Variants in SLC35F1 observed in about 807,000 individuals in gnomAD.
The protein encoded by SLC35F1 is chromosome 6 open reading frame 169.
SLC35F1 carries 14 observed loss-of-function variants against 48.7 expected under a neutral mutation model. The observed-to-expected ratio is 0.29, with a 90% CI of 0.19 to 0.45. The LOEUF is 0.45. Ranked by LOEUF, SLC35F1 falls within the 20% of genes least tolerant of loss-of-function variation. The pLI is 1.00. For synonymous variants in SLC35F1, 190 were observed against 202.2 expected, an observed-to-expected ratio of 0.94 and a Z score of 0.51; for missense variants, 404 against 500.0, an observed-to-expected ratio of 0.81 and a Z score of 1.83.
At chr6:118,053,731 C>A (rs13199867) in intron 1 of SLC35F1, among the ~76,000 whole-genome samples, 6 of 151,956 alleles carry the variant, frequency 3.9e-5, no homozygotes, top group South Asian at 2.1e-4. Flanking sequence ...AAACATTTCC[C>A]TCTTTTTAGG....
chr6:117,911,325 CA>C (rs1775759093), intron 1 of SLC35F1, among the ~76,000 whole-genome samples: 1 of 152,012 alleles, frequency 6.6e-6, no homozygotes, highest in African/African-American at 2.4e-5. Context: ...AATTGTGAAC[CA>C]ATCAATATAT....
chr6:117,909,374 A>G (rs1454403159), intron 1 of SLC35F1, among the ~76,000 whole-genome samples: 1 of 152,058 alleles, frequency 6.6e-6, no homozygotes. Flanking sequence ...ATTATTTCTC[A>G]TCAAACTAGA....
At chr6:118,076,136 A>C (rs2114310215) in intron 1 of SLC35F1, among the ~76,000 whole-genome samples, 1 of 152,336 alleles carries the variant, frequency 6.6e-6, no homozygotes, top group South Asian at 2.1e-4. Context: ...TACTTACTTA[A>C]ATTTATGATT....
At chr6:118,206,595 C>T (rs968824505) in intron 2 of SLC35F1, among the ~76,000 whole-genome samples, 8 of 152,094 alleles carry the variant, frequency 5.3e-5, no homozygotes, top group South Asian at 2.1e-4. Context: ...TTTTAGGCCA[C>T]GTGGGAGAAT....
intron 6 of SLC35F1, among the ~76,000 whole-genome samples, chr6:118,281,175 ACTCTCTCTCTCTCT>A (rs745677823): frequency 7.3e-6 from 1 of 137,688 alleles, no homozygotes; most frequent in Non-Finnish European, 1.5e-5. Context: ...ATATATAGTA[ACTCTCTCTCTCTCT>A]CTCTCTCTCT....
At chr6:118,297,034 A>G (rs1776195032) in intron 7 of SLC35F1, among the ~76,000 whole-genome samples, 1 of 151,874 alleles carries the variant, frequency 6.6e-6, no homozygotes, top group African/African-American at 2.4e-5. Context: ...CAGAACCACT[A>G]CTCTACACAT....
intron 7 of SLC35F1, among the ~76,000 whole-genome samples, chr6:118,301,212 AC>A: frequency 6.6e-6 from 1 of 152,288 alleles, no homozygotes; most frequent in South Asian, 2.1e-4. Flanking sequence ...GTTTATTTTC[AC>A]AGGAAACATT....
chr6:117,918,083 G>A (rs1169942078), intron 1 of SLC35F1, among the ~76,000 whole-genome samples: 1 of 152,158 alleles, frequency 6.6e-6, no homozygotes, highest in African/African-American at 2.4e-5. Flanking sequence ...TGTGGCTGTG[G>A]CAACCACAGG....
intron 2 of SLC35F1, among the ~76,000 whole-genome samples, chr6:118,213,288 C>T (rs2114551983): frequency 6.6e-6 from 1 of 152,272 alleles, no homozygotes; most frequent in African/African-American, 2.4e-5. Context: ...GTCTTTATCA[C>T]AAAACATTAA....
At chr6:118,108,232 T>C (rs2114377734) in intron 1 of SLC35F1, among the ~76,000 whole-genome samples, 1 of 152,292 alleles carries the variant, frequency 6.6e-6, no homozygotes, top group Middle Eastern at 3.4e-3. Flanking sequence ...TCTCTGGAAC[T>C]TGATGTTTAA....
At chr6:117,938,726 G>A (rs1280212053) in intron 1 of SLC35F1, among the ~76,000 whole-genome samples, 1 of 152,234 alleles carries the variant, frequency 6.6e-6, no homozygotes, top group African/African-American at 2.4e-5. Flanking sequence ...CTATGGCAGA[G>A]TTGAGTGGGA....
chr6:118,048,350 G>T (rs1772331388), intron 1 of SLC35F1, among the ~76,000 whole-genome samples: 1 of 151,790 alleles, frequency 6.6e-6, no homozygotes, highest in South Asian at 2.1e-4. Context: ...TCTCTTTTTT[G>T]GTTGTATCTC....
At chr6:118,239,463 GA>G (rs1488217732) in intron 3 of SLC35F1, among the ~76,000 whole-genome samples, 1 of 149,206 alleles carries the variant, frequency 6.7e-6, no homozygotes, top group Non-Finnish European at 1.5e-5. Flanking sequence ...GGGAAATGAG[GA>G]GTGACTTTCC....
chr6:118,092,270 G>A (rs967937086), intron 1 of SLC35F1, among the ~76,000 whole-genome samples: 1 of 152,172 alleles, frequency 6.6e-6, no homozygotes, highest in African/African-American at 2.4e-5. Flanking sequence ...CACAGGCCTG[G>A]AGGCCTAGGA....
chr6:117,909,240 C>T (rs1775734181), intron 1 of SLC35F1, among the ~76,000 whole-genome samples: 2 of 152,078 alleles, frequency 1.3e-5, no homozygotes, highest in South Asian at 4.2e-4. Flanking sequence ...AGCAAGAAGA[C>T]GCTGGCTCAG....
intron 7 of SLC35F1, among the ~76,000 whole-genome samples, chr6:118,291,242 TACACACACACACACACACACACAC>T (rs10603708): frequency 3.4e-5 from 5 of 148,598 alleles, no homozygotes; most frequent in Admixed American, 1.3e-4. Context: ...GTATCATGTA[TACACACACACACACACACACACAC>T]ACACACACAC....
intron 2 of SLC35F1, among the ~76,000 whole-genome samples, chr6:118,202,280 A>T (rs1253964505): frequency 6.6e-6 from 1 of 152,166 alleles, no homozygotes; most frequent in Non-Finnish European, 1.5e-5. Context: ...GGATTGCTTG[A>T]GGCCAGGAGT....
intron 1 of SLC35F1, among the ~76,000 whole-genome samples, chr6:118,055,350 T>A (rs193165585): frequency 3.0e-4 from 45 of 152,342 alleles, no homozygotes; most frequent in Middle Eastern, 3.4e-3. Context: ...TGTTTTTGAT[T>A]CTTGGCAAAT....
intron 3 of SLC35F1, among the ~76,000 whole-genome samples, chr6:118,246,474 G>A (rs1775508814): frequency 6.6e-6 from 1 of 152,148 alleles, no homozygotes; most frequent in South Asian, 2.1e-4. Context: ...GAAATGCCAT[G>A]GAACTACAGA....
Sources: allele counts gnomAD v4.1 joint callset (sites outside exome capture counted in the v4.1 genomes callset), GRCh38; gene constraint gnomAD v4.1.1; transcripts MANE v1.5; gene names NCBI Gene and HGNC (gene_info 2026-07-23, HGNC 2026-07-21).